Variants in AUTS2 observed in about 807,000 individuals in gnomAD.
AUTS2 encodes activator of transcription and developmental regulator AUTS2.
AUTS2 carries 17 observed loss-of-function variants against 112.4 expected under a neutral mutation model. That is an observed-to-expected ratio of 0.15 (90% CI 0.10 to 0.23). The LOEUF (loss-of-function observed/expected upper bound fraction) is 0.23, where lower values mean the gene tolerates loss of function less well. AUTS2 is among the 10% of genes least tolerant of loss of function. The probability of loss-of-function intolerance (pLI) is 1.00; values close to 1 mark genes in which losing one functional copy is unlikely to be tolerated. For synonymous variants in AUTS2, 751 were observed against 702.7 expected (o/e 1.07, Z -1.09); for missense variants, 1,510 against 1,701.6 (o/e 0.89, Z 1.98).
chr7:69,625,709 T>C (rs1251513923), intron 1 of AUTS2, among the ~76,000 whole-genome samples: 1 of 151,906 alleles, frequency 6.6e-6, no homozygotes, highest in Admixed American at 6.6e-5. Context: ...AATTTAAAAA[T>C]TAGCTGGATG....
intron 1 of AUTS2, among the ~76,000 whole-genome samples, chr7:69,693,024 T>C (rs909382600): frequency 9.2e-5 from 14 of 152,232 alleles, no homozygotes; most frequent in Admixed American, 2.6e-4. Context: ...AGTGTTATGG[T>C]AGATGGAAAT....
At chr7:70,004,069 T>A (rs111211653) in intron 2 of AUTS2, among the ~76,000 whole-genome samples, 400 of 50,554 alleles carry the variant, frequency 7.9e-3, no homozygotes, top group Non-Finnish European at 9.6e-3. Flanking sequence ...AATATATATA[T>A]TATATATGAA....
intron 2 of AUTS2, among the ~76,000 whole-genome samples, chr7:69,937,092 C>T (rs1162856805): frequency 6.6e-6 from 1 of 152,070 alleles, no homozygotes. Flanking sequence ...GTGGAGTGGC[C>T]AGATGACTTT....
intron 5 of AUTS2, among the ~76,000 whole-genome samples, chr7:70,692,929 C>T (rs1456336454): frequency 6.6e-6 from 1 of 152,220 alleles, no homozygotes; most frequent in Non-Finnish European, 1.5e-5. Context: ...TTCTCTTCCT[C>T]TCTTCCTCCA....
At chr7:70,431,912 G>A (rs1319194773) in intron 4 of AUTS2, among the ~76,000 whole-genome samples, 1 of 152,218 alleles carries the variant, frequency 6.6e-6, no homozygotes, top group Non-Finnish European at 1.5e-5. Context: ...TGAGGCCTTT[G>A]GCCAGGCGTG....
At position 70,277,251 on chromosome 7, in the gene AUTS2, T is replaced by C. The variant is rs192694526; in HGVS notation, c.660+142680T>C. ...TGATCGAGATTGTGAAGATAGAATA[T>C]AAGACAGAGCCTCTTGAGCATTTCT... On this transcript the variant is annotated intron_variant, in intron 4 of 18. Transcript: ENST00000342771. Among the ~76,000 whole-genome samples the C allele has an allele frequency of 1.6e-4, 25 of 152,246 alleles. No homozygotes were observed. In the East Asian group the frequency reaches 4.6e-3, roughly 28 times the overall value.
At chr7:70,264,466 A>G (rs1787323863) in intron 4 of AUTS2, among the ~76,000 whole-genome samples, 1 of 152,184 alleles carries the variant, frequency 6.6e-6, no homozygotes, top group Non-Finnish European at 1.5e-5. Flanking sequence ...TCAGCCTCCC[A>G]AAATGCTGGG....
chr7:70,446,109 C>A (rs1267815725), intron 5 of AUTS2, among the ~76,000 whole-genome samples: 1 of 152,204 alleles, frequency 6.6e-6, no homozygotes, highest in African/African-American at 2.4e-5. Flanking sequence ...TATAATTCGC[C>A]CCCTCAAGAA....
chr7:69,850,785 C>T (rs1031361653), intron 1 of AUTS2, among the ~76,000 whole-genome samples: 2 of 152,160 alleles, frequency 1.3e-5, no homozygotes, highest in African/African-American at 4.8e-5. Flanking sequence ...AATATTTTCT[C>T]AGTCTGGAGC....
chr7:70,528,093 A>AT (rs10651355), intron 5 of AUTS2, among the ~76,000 whole-genome samples: 1,496 of 97,266 alleles, frequency 0.015, 36 homozygotes, highest in East Asian at 0.054. Flanking sequence ...AAATTTAAGG[A>AT]TTTTTTTTTT....
intron 5 of AUTS2, among the ~76,000 whole-genome samples, chr7:70,691,404 A>T (rs544831528): frequency 2.4e-5 from 3 of 126,130 alleles, no homozygotes; most frequent in Admixed American, 9.2e-5. Context: ...AATAAAAGGA[A>T]ATTAAATTTC....
At chr7:70,146,651 G>A (rs942039696) in intron 4 of AUTS2, among the ~76,000 whole-genome samples, 1 of 152,050 alleles carries the variant, frequency 6.6e-6, no homozygotes, top group African/African-American at 2.4e-5. Context: ...ATAAAGGATT[G>A]CTTCACTGAT....
intron 1 of AUTS2, among the ~76,000 whole-genome samples, chr7:69,657,595 C>T (rs1273889174): frequency 6.6e-6 from 1 of 152,074 alleles, no homozygotes; most frequent in East Asian, 1.9e-4. Context: ...TCAGAACACA[C>T]CCAGGTGCGT....
chr7:70,335,167 C>T (rs971313630), intron 4 of AUTS2, among the ~76,000 whole-genome samples: 59 of 152,138 alleles, frequency 3.9e-4, no homozygotes, highest in African/African-American at 1.4e-3. Context: ...TTATATTGAG[C>T]ATGTGTTCCT....
chr7:69,978,603 C>A (rs1215524400), intron 2 of AUTS2, among the ~76,000 whole-genome samples: 2 of 152,056 alleles, frequency 1.3e-5, no homozygotes, highest in African/African-American at 4.8e-5. Context: ...CTTTGGGAGG[C>A]CAAGGCAGGA....
chr7:70,349,004 T>A (rs1791630656), intron 4 of AUTS2, among the ~76,000 whole-genome samples: 1 of 152,154 alleles, frequency 6.6e-6, no homozygotes, highest in Admixed American at 6.5e-5. Context: ...AATGACTGAG[T>A]TACTAAGGTC....
At chr7:70,481,107 T>C (rs1236389143) in intron 5 of AUTS2, among the ~76,000 whole-genome samples, 1 of 152,196 alleles carries the variant, frequency 6.6e-6, no homozygotes, top group Non-Finnish European at 1.5e-5. Flanking sequence ...CGGAGAAACC[T>C]AGAGCCTTTT....
chr7:70,404,329 C>G (rs955303893), intron 4 of AUTS2, among the ~76,000 whole-genome samples: 4 of 152,188 alleles, frequency 2.6e-5, no homozygotes, highest in African/African-American at 9.7e-5. Flanking sequence ...TTCCTGACTT[C>G]TGCCTTGTCT....
At chr7:70,262,263 C>T (rs1356272903) in intron 4 of AUTS2, among the ~76,000 whole-genome samples, 1 of 152,122 alleles carries the variant, frequency 6.6e-6, no homozygotes, top group Non-Finnish European at 1.5e-5. Context: ...GATCTTGGCT[C>T]ACTGCAACCT....
Sources: allele counts gnomAD v4.1 joint callset (sites outside exome capture counted in the v4.1 genomes callset), GRCh38; gene constraint gnomAD v4.1.1; transcripts MANE v1.5; gene names NCBI Gene and HGNC (gene_info 2026-07-23, HGNC 2026-07-21).